Variants in DOCK1 observed in about 807,000 individuals in gnomAD.
DOCK1 encodes dedicator of cytokinesis protein 1.
In DOCK1, 138 loss-of-function variants were observed where a neutral mutation model predicts 262.7. That is an observed-to-expected ratio of 0.53 (90% CI 0.46 to 0.61). DOCK1 has a LOEUF of 0.61. Ranked by LOEUF, DOCK1 falls within the 20% of genes least tolerant of loss-of-function variation. The pLI is 0.00. For synonymous variants in DOCK1, 866 were observed against 867.4 expected (o/e 1.00, Z 0.03); for missense variants, 1,908 against 2,370.7 (o/e 0.80, Z 4.05).
intron 29 of DOCK1, among the ~76,000 whole-genome samples, chr10:127,265,529 C>T (rs919602839): frequency 6.6e-6 from 1 of 152,198 alleles, no homozygotes; most frequent in African/African-American, 2.4e-5. Flanking sequence ...CTCCTCCTCT[C>T]CCCATGATTC....
chr10:127,310,166 C>T (rs945231336), intron 29 of DOCK1, among the ~76,000 whole-genome samples: 4 of 152,174 alleles, frequency 2.6e-5, no homozygotes, highest in Non-Finnish European at 4.4e-5. Flanking sequence ...TGAGCCACTG[C>T]GCCCGGCCTG....
chr10:127,133,637 A>G (rs1226701253), intron 27 of DOCK1, among the ~76,000 whole-genome samples: 1 of 152,202 alleles, frequency 6.6e-6, no homozygotes, highest in Non-Finnish European at 1.5e-5. Flanking sequence ...GAAGAAGTAA[A>G]AACCACATTG....
intron 23 of DOCK1, among the ~76,000 whole-genome samples, chr10:127,093,210 C>CTTTCTTTCTTTGTTTCTTTG (rs1462296050): frequency 8.4e-6 from 1 of 118,922 alleles, no homozygotes; most frequent in African/African-American, 3.9e-5. Context: ...TTCTTTCTTT[C>CTTTCTTTCTTTGTTTCTTTG]TTTCTTTCTT....
chr10:127,345,564 C>T (rs2063594303), intron 31 of DOCK1, among the ~76,000 whole-genome samples: 1 of 152,226 alleles, frequency 6.6e-6, no homozygotes, highest in South Asian at 2.1e-4. Flanking sequence ...GCCTGACAGC[C>T]ATCTGTGTAA....
intron 12 of DOCK1, 130 bp from the exon 13 acceptor site, chr10:127,018,580 A>T (rs2135406154): frequency 1.4e-6 from 2 of 1,452,054 alleles, no homozygotes; most frequent in East Asian, 2.4e-5. Flanking sequence ...TCTTTCTCAT[A>T]TACCCACCTT....
At chr10:127,191,468 C>A (rs1420415027) in intron 27 of DOCK1, among the ~76,000 whole-genome samples, 1 of 152,158 alleles carries the variant, frequency 6.6e-6, no homozygotes, top group African/African-American at 2.4e-5. Flanking sequence ...ATCTTTGCTG[C>A]ATTTTTTAAG....
At chr10:127,236,765 G>A (rs2059081663) in intron 27 of DOCK1, among the ~76,000 whole-genome samples, 1 of 151,702 alleles carries the variant, frequency 6.6e-6, no homozygotes, top group Non-Finnish European at 1.5e-5. Context: ...ATATGGTTTT[G>A]TGTTTTATTC....
intron 33 of DOCK1, among the ~76,000 whole-genome samples, chr10:127,363,372 TGG>T (rs1427067397): frequency 6.6e-6 from 1 of 152,080 alleles, no homozygotes; most frequent in African/African-American, 2.4e-5. Flanking sequence ...TAGTGAGGCA[TGG>T]TGGTGCACAC....
intron 51 of DOCK1, among the ~76,000 whole-genome samples, chr10:127,449,623 G>C (rs533351277): frequency 6.6e-6 from 1 of 152,300 alleles, no homozygotes; most frequent in Admixed American, 6.5e-5. Context: ...GCATGCTCAG[G>C]TGACACGCTG....
At chr10:127,024,821 T>G (rs1401432403) in intron 15 of DOCK1, 38 bp downstream of exon 15, 2 of 1,511,666 alleles carry the variant, frequency 1.3e-6, no homozygotes, top group South Asian at 2.5e-5. Context: ...ATGGCGCTGA[T>G]TATGAAATGC....
At chr10:127,138,109 G>A in intron 27 of DOCK1, 11 of 1,126,680 alleles carry the variant, frequency 9.8e-6, no homozygotes, top group East Asian at 2.4e-5. Context: ...GGCATGATCA[G>A]TGTGTGTTTG....
Position 127,205,286 on chromosome 10 carries a change from A to C in DOCK1, c.2848-42722A>C, listed in dbSNP as rs1700713508. Among the ~76,000 whole-genome samples the C allele has an allele frequency of 2.0e-5, 3 of 152,270 alleles. No individual in the cohort carries two copies. In the South Asian group the frequency reaches 6.2e-4, roughly 32 times the overall value. Reference sequence around the variant, plus strand: ...CTTTTTGGTCCGTGGGTGTTAATGAACATTTTCACTCTGGAGCTTTCTCTG... The same window carrying C: ...CTTTTTGGTCCGTGGGTGTTAATGACCATTTTCACTCTGGAGCTTTCTCTG... On this transcript the variant is annotated intron_variant, in intron 27 of 51. Transcript: ENST00000623213.
At position 127,012,406 on chromosome 10, in the gene DOCK1, G is replaced by T. The variant is rs376718508; in HGVS notation, c.1201+32G>T. 2 of 1,607,276 alleles carry T rather than the reference G, an allele frequency of 1.2e-6. No individual in the cohort carries two copies. Among genetic ancestry groups the T allele is most frequent in the Non-Finnish European group, 1.7e-6 (2 of 1,174,252 alleles). ...ATTTTCCTATTTTGTTTCTATCAGCGTGTATTTGCATGCGTTGGGGCAGTG... is the reference window on the plus strand; with the variant it reads ...ATTTTCCTATTTTGTTTCTATCAGCTTGTATTTGCATGCGTTGGGGCAGTG... On this transcript the variant is annotated intron_variant, in intron 12 of 51. Transcript: ENST00000623213. The surrounding 1 kb of genome is among the most constrained non-coding windows in gnomAD (Gnocchi z 4.0).
At chr10:127,415,124 G>A (rs763362098) in intron 43 of DOCK1, 28 bp from the exon 44 acceptor site, 57 of 1,598,888 alleles carry the variant, frequency 3.6e-5, no homozygotes, top group South Asian at 4.5e-5. Flanking sequence ...CTTCTAACCC[G>A]TGTTGTGTGT....
intron 16 of DOCK1, among the ~76,000 whole-genome samples, chr10:127,028,782 C>A (rs773362043): frequency 6.6e-6 from 1 of 152,114 alleles, no homozygotes; most frequent in Non-Finnish European, 1.5e-5. Flanking sequence ...ATGATGTGAG[C>A]GGAGGGTGCT....
At chr10:127,267,296 G>A (rs1475679650) in intron 29 of DOCK1, among the ~76,000 whole-genome samples, 1 of 152,178 alleles carries the variant, frequency 6.6e-6, no homozygotes, top group East Asian at 1.9e-4. Flanking sequence ...TTAAGGCCTA[G>A]TCATAAATTA....
At chr10:127,003,658 C>G (rs1332087764) in intron 10 of DOCK1, among the ~76,000 whole-genome samples, 1 of 152,166 alleles carries the variant, frequency 6.6e-6, no homozygotes, top group Non-Finnish European at 1.5e-5. Context: ...TGGTGTGTGT[C>G]TGTACATTAT....
At chr10:127,359,464 A>C (rs1225925951) in intron 32 of DOCK1, among the ~76,000 whole-genome samples, 1 of 152,178 alleles carries the variant, frequency 6.6e-6, no homozygotes, top group East Asian at 1.9e-4. Context: ...TTGATGAACA[A>C]CTCGCTGTCA....
chr10:127,390,372 A>G (rs546457202), intron 38 of DOCK1, among the ~76,000 whole-genome samples: 2 of 152,330 alleles, frequency 1.3e-5, no homozygotes, highest in South Asian at 4.1e-4. Flanking sequence ...AAATGTTCTT[A>G]TGGGCTGAGT....
Sources: allele counts gnomAD v4.1 joint callset (sites outside exome capture counted in the v4.1 genomes callset), GRCh38; gene constraint gnomAD v4.1.1; non-coding constraint Gnocchi (gnomAD v3.1); transcripts MANE v1.5; gene names NCBI Gene and HGNC (gene_info 2026-07-23, HGNC 2026-07-21).